The following DLC1 variants were observed in gnomAD, a reference collection of about 807,000 sequenced individuals.
DLC1 encodes DLC1 Rho GTPase activating protein.
A neutral mutation model predicts 140.3 loss-of-function variants in DLC1; 54 were observed. That is an observed-to-expected ratio of 0.38 (90% CI 0.31 to 0.48). DLC1 has a LOEUF of 0.48. DLC1 is among the 20% of genes least tolerant of loss of function. The pLI, the probability that DLC1 is intolerant of heterozygous loss-of-function variation, is 0.96. For synonymous variants in DLC1, 986 were observed against 728.1 expected, an observed-to-expected ratio of 1.35 and a Z score of -5.70; for missense variants, 2,536 against 1,907.0, an observed-to-expected ratio of 1.33 and a Z score of -6.14.
At chr8:13,172,269 C>G (rs546449194) in intron 5 of DLC1, among the ~76,000 whole-genome samples, 1 of 152,112 alleles carries the variant, frequency 6.6e-6, no homozygotes, top group African/African-American at 2.4e-5. Flanking sequence ...ATGGAGACCC[C>G]TGATAGGGTG....
chr8:13,480,533 C>G (rs964802857), intron 2 of DLC1, among the ~76,000 whole-genome samples: 1 of 152,102 alleles, frequency 6.6e-6, no homozygotes, highest in Non-Finnish European at 1.5e-5. Context: ...CTGCTATGGT[C>G]TTTGAATCTT....
intron 4 of DLC1, chr8:13,339,898 G>T (rs1323506582): frequency 6.6e-6 from 1 of 152,152 alleles, no homozygotes; most frequent in Non-Finnish European, 1.5e-5. Context: ...TGTCCGCTAT[G>T]TGCTAAAAGC....
intron 4 of DLC1, among the ~76,000 whole-genome samples, chr8:13,347,311 A>C (rs960332684): frequency 1.3e-5 from 2 of 152,226 alleles, no homozygotes; most frequent in Non-Finnish European, 2.9e-5. Context: ...CACATTCAGT[A>C]ATAATGGTGA....
intron 5 of DLC1, among the ~76,000 whole-genome samples, chr8:13,297,287 A>AAAAAAAAAAAAAAAAAAAAAAAAAAAC (rs1160453360): frequency 7.2e-6 from 1 of 139,822 alleles, no homozygotes; most frequent in Non-Finnish European, 1.5e-5. Context: ...TACATTAAAA[A>AAAAAAAAAAAAAAAAAAAAAAAAAAAC]AAAAAAAAAC....
rs557874782 is a variant in DLC1 at position 13,326,531 on chromosome 8, A to C, written c.1315-21229T>G. Among the ~76,000 whole-genome samples, 23 of 152,340 alleles carry C rather than the reference A, an allele frequency of 1.5e-4. No individual in the cohort carries two copies. In the South Asian group the frequency reaches 4.6e-3, roughly 30 times the overall value. ...TCCCTACCCCAACTGGAGCCAGCTT[A>C]TTAAGTTGGACACCAACATTGGCTC... On this transcript the variant is annotated intron_variant, in intron 4 of 17. Coordinates refer to ENST00000276297, the MANE Select transcript of DLC1 (RefSeq NM_182643.3).
At chr8:13,490,271 G>A (rs1052619578) in intron 2 of DLC1, among the ~76,000 whole-genome samples, 23 of 152,188 alleles carry the variant, frequency 1.5e-4, no homozygotes, top group African/African-American at 4.6e-4. Context: ...GAAGAGGTTC[G>A]TTAATCACTA....
At chr8:13,128,915 A>AGGCAGAACAAATTATGATGGCAG (rs1381781938) in intron 5 of DLC1, among the ~76,000 whole-genome samples, 3 of 152,218 alleles carry the variant, frequency 2.0e-5, no homozygotes, top group African/African-American at 7.2e-5. Context: ...TATGATGGCA[A>AGGCAGAACAAATTATGATGGCAG]GGCAGAACAT....
At chr8:13,420,804 C>A (rs1165256032) in intron 2 of DLC1, among the ~76,000 whole-genome samples, 1 of 151,932 alleles carries the variant, frequency 6.6e-6, no homozygotes, top group Non-Finnish European at 1.5e-5. Flanking sequence ...CATTTTTGAC[C>A]TTTATAGTGG....
At chr8:13,199,128 T>A (rs191840076) in intron 5 of DLC1, among the ~76,000 whole-genome samples, 9 of 151,456 alleles carry the variant, frequency 5.9e-5, no homozygotes, top group African/African-American at 2.2e-4. Flanking sequence ...TCTCCAAACA[T>A]GCTTTTAAAA....
At chr8:13,367,182 G>A (rs914752049) in intron 4 of DLC1, among the ~76,000 whole-genome samples, 8 of 152,052 alleles carry the variant, frequency 5.3e-5, no homozygotes, top group African/African-American at 9.7e-5. Flanking sequence ...CTGGTCACTC[G>A]TTCTGGCTGC....
At chr8:13,474,929 T>G (rs1159842005) in intron 2 of DLC1, among the ~76,000 whole-genome samples, 1 of 152,182 alleles carries the variant, frequency 6.6e-6, no homozygotes, top group Non-Finnish European at 1.5e-5. Context: ...CAGATGAGAC[T>G]TAGGACTGTG....
At chr8:13,266,945 C>G (rs1293647044) in intron 5 of DLC1, among the ~76,000 whole-genome samples, 2 of 152,178 alleles carry the variant, frequency 1.3e-5, no homozygotes, top group Non-Finnish European at 1.5e-5. Context: ...ACCCATTTGT[C>G]CAGCCATGAG....
chr8:13,387,134 A>T (rs1836558895), intron 4 of DLC1, among the ~76,000 whole-genome samples: 1 of 152,076 alleles, frequency 6.6e-6, no homozygotes, highest in South Asian at 2.1e-4. Flanking sequence ...TAGTATGTTG[A>T]CTGTTTCTTT....
chr8:13,231,118 A>T (rs1027929426), intron 5 of DLC1, among the ~76,000 whole-genome samples: 1 of 152,144 alleles, frequency 6.6e-6, no homozygotes, highest in Non-Finnish European at 1.5e-5. Context: ...GGTCTGTTGC[A>T]GGAGTTGCAT....
At chr8:13,127,679 G>A (rs951887198) in intron 5 of DLC1, among the ~76,000 whole-genome samples, 1 of 152,186 alleles carries the variant, frequency 6.6e-6, no homozygotes, top group African/African-American at 2.4e-5. Flanking sequence ...CTCTTCTTCC[G>A]TGGCTTCCTA....
At chr8:13,420,454 A>G (rs979679003) in intron 2 of DLC1, among the ~76,000 whole-genome samples, 1 of 152,130 alleles carries the variant, frequency 6.6e-6, no homozygotes, top group Non-Finnish European at 1.5e-5. Context: ...GGTTTGTTAC[A>G]TAGGTATACA....
chr8:13,415,916 T>G (rs7822301), intron 2 of DLC1, among the ~76,000 whole-genome samples: 80,290 of 151,960 alleles, frequency 0.53, 21,913 homozygotes, highest in Middle Eastern at 0.62. Flanking sequence ...TGTTCTTGTA[T>G]GTCTTCTCGA....
chr8:13,452,741 T>A (rs754298920), intron 2 of DLC1, among the ~76,000 whole-genome samples: 2 of 151,974 alleles, frequency 1.3e-5, no homozygotes, highest in Admixed American at 6.5e-5. Flanking sequence ...CATGCTGATC[T>A]CACTTGATGA....
chr8:13,451,361 G>C (rs995103094), intron 2 of DLC1, among the ~76,000 whole-genome samples: 2 of 152,004 alleles, frequency 1.3e-5, no homozygotes, highest in South Asian at 4.1e-4. Flanking sequence ...TCTACCCTTT[G>C]TGTAATAGAC....
Sources: allele counts gnomAD v4.1 joint callset (sites outside exome capture counted in the v4.1 genomes callset), GRCh38; gene constraint gnomAD v4.1.1; transcripts MANE v1.5; gene names NCBI Gene and HGNC (gene_info 2026-07-23, HGNC 2026-07-21).